The following SPTLC3 variants were observed in gnomAD, a reference collection of about 807,000 sequenced individuals.
SPTLC3 encodes the protein serine palmitoyltransferase 3.
SPTLC3 carries 36 observed loss-of-function variants against 59.3 expected under a neutral mutation model. The ratio of observed to expected loss-of-function variants is 0.61; its 90% CI spans 0.47 to 0.80. SPTLC3 has a LOEUF of 0.80. SPTLC3 is among the 30% of genes least tolerant of loss of function. SPTLC3 has a pLI of 0.00. For missense variants in SPTLC3, 625 were observed against 685.1 expected (o/e 0.91, Z 0.98); for synonymous variants, 257 against 240.8 (o/e 1.07, Z -0.62).
At chr20:13,122,694 G>A (rs1407178083) in intron 8 of SPTLC3, among the ~76,000 whole-genome samples, 1 of 152,170 alleles carries the variant, frequency 6.6e-6, no homozygotes, top group Non-Finnish European at 1.5e-5. Context: ...GGAACCTCAG[G>A]CCACCAGGGA....
intron 9 of SPTLC3, among the ~76,000 whole-genome samples, chr20:13,142,352 T>G (rs2038403432): frequency 6.6e-6 from 1 of 151,926 alleles, no homozygotes; most frequent in South Asian, 2.1e-4. Flanking sequence ...GATGGGGGAG[T>G]GGTGATGTAA....
At chr20:13,056,441 C>T (rs8116374) in intron 2 of SPTLC3, among the ~76,000 whole-genome samples, 37,240 of 143,528 alleles carry the variant, frequency 0.26, 5,483 homozygotes, top group African/African-American at 0.42. Context: ...CATAGACTGA[C>T]GCTTTAACTT....
intron 1 of SPTLC3, among the ~76,000 whole-genome samples, chr20:13,031,826 T>C (rs1444350151): frequency 6.6e-6 from 1 of 152,198 alleles, no homozygotes; most frequent in Non-Finnish European, 1.5e-5. Context: ...TGTCATGTCT[T>C]AAAGATCTAA....
chr20:13,148,281 G>A (rs1388078765), intron 9 of SPTLC3, among the ~76,000 whole-genome samples: 1 of 152,178 alleles, frequency 6.6e-6, no homozygotes, highest in Non-Finnish European at 1.5e-5. Context: ...CAGCATTGGA[G>A]GGGAGGTTAA....
At chr20:13,110,532 C>T (rs1009398366) in intron 7 of SPTLC3, among the ~76,000 whole-genome samples, 4 of 152,110 alleles carry the variant, frequency 2.6e-5, no homozygotes, top group South Asian at 2.1e-4. Flanking sequence ...AAAGGCGTTT[C>T]GCAGCTGGGT....
chr20:13,024,135 C>G (rs1549824), intron 1 of SPTLC3, among the ~76,000 whole-genome samples: 6,848 of 152,266 alleles, frequency 0.045, 216 homozygotes, highest in South Asian at 0.083. Context: ...GAGGTTGATA[C>G]TGTTACTATC....
At chr20:13,054,241 G>A (rs1202977034) in intron 2 of SPTLC3, among the ~76,000 whole-genome samples, 1 of 152,218 alleles carries the variant, frequency 6.6e-6, no homozygotes, top group Non-Finnish European at 1.5e-5. Context: ...AGACTGCTGA[G>A]AGGCAAGCAG....
intron 6 of SPTLC3, among the ~76,000 whole-genome samples, chr20:13,100,661 T>G (rs1012993194): frequency 2.6e-5 from 4 of 152,262 alleles, no homozygotes; most frequent in Non-Finnish European, 5.9e-5. Flanking sequence ...GGATAATAGC[T>G]GAGTCATAAC....
At chr20:13,143,608 GT>G (rs1165122819) in intron 9 of SPTLC3, among the ~76,000 whole-genome samples, 7 of 152,188 alleles carry the variant, frequency 4.6e-5, no homozygotes, top group African/African-American at 1.7e-4. Flanking sequence ...CAAGGCAAAA[GT>G]CTGGGGGGCT....
chr20:13,017,869 G>A (rs766017044), intron 1 of SPTLC3, among the ~76,000 whole-genome samples: 5 of 152,118 alleles, frequency 3.3e-5, no homozygotes, highest in Admixed American at 2.6e-4. Flanking sequence ...GACAATCTGG[G>A]ACTCCTGAGA....
intron 2 of SPTLC3, among the ~76,000 whole-genome samples, chr20:13,059,259 T>C (rs1054322840): frequency 2.6e-5 from 4 of 152,212 alleles, no homozygotes; most frequent in African/African-American, 9.6e-5. Flanking sequence ...GGGTAAAGGC[T>C]GCTTAAACAA....
intron 1 of SPTLC3, among the ~76,000 whole-genome samples, chr20:13,011,712 T>TA (rs73619819): frequency 0.2 from 30,305 of 151,180 alleles, 3,623 homozygotes; most frequent in South Asian, 0.38. Context: ...CTGGAGCTTT[T>TA]ATGGAGCCTG....
At position 13,155,554 on chromosome 20, in the gene SPTLC3, C is replaced by T. The variant is rs568251517; in HGVS notation, c.1415+1416C>T. On this transcript the variant is annotated intron_variant, in intron 10 of 11. Coordinates refer to ENST00000399002, the MANE Select transcript of SPTLC3 (RefSeq NM_018327.4). ...TTAAAACACACATGAAGGCTGGGCG[C>T]GGTGGCTCATGCCTGTAATCCCATC... is the stretch of plus-strand genomic sequence containing the variant. Among the ~76,000 whole-genome samples the T allele has an allele frequency of 3.9e-5, 6 of 152,210 alleles. No homozygotes were observed. In the South Asian group the frequency reaches 1.0e-3, roughly 26 times the overall value.
At chr20:13,103,217 T>C (rs138640036) in intron 6 of SPTLC3, among the ~76,000 whole-genome samples, 61 of 152,208 alleles carry the variant, frequency 4.0e-4, no homozygotes, top group Non-Finnish European at 7.8e-4. Context: ...ATAATTGTTT[T>C]GCTTGACAAA....
chr20:13,046,113 C>T (rs1665524155), intron 1 of SPTLC3, among the ~76,000 whole-genome samples: 1 of 152,134 alleles, frequency 6.6e-6, no homozygotes, highest in Non-Finnish European at 1.5e-5. Flanking sequence ...ACACTGGGTT[C>T]CCTTTATTCA....
Position 13,160,286 on chromosome 20 carries a change from T to A in SPTLC3, c.1545+154T>A, listed in dbSNP as rs936585678. Among the ~76,000 whole-genome samples the A allele has an allele frequency of 2.0e-5, 3 of 152,286 alleles. No individual in the cohort carries two copies. The East Asian group carries it at 5.8e-4, about 29-fold the overall frequency. ...GTCACTGCCAAAAAACAAGAGCTCGTCAACAACAGCCAACACTGTGACCAC... is the reference window on the plus strand; with the variant it reads ...GTCACTGCCAAAAAACAAGAGCTCGACAACAACAGCCAACACTGTGACCAC... On this transcript the variant is annotated intron_variant, in intron 11 of 11. Transcript: ENST00000399002.
Position 13,165,835 on chromosome 20 carries a change from A to T in SPTLC3, c.*968A>T, listed in dbSNP as rs1235710713. ...GAAGGACATTTAAAAGCAAATTCTG[A>T]CTTTTTCAAGACCAACACACTTGTT... On this transcript the variant is annotated 3_prime_UTR_variant, in exon 12 of 12. Coordinates refer to ENST00000399002, the MANE Select transcript of SPTLC3 (RefSeq NM_018327.4). The T allele has an allele frequency of 6.6e-6, 1 of 152,222 alleles. No individual in the cohort carries two copies. The allele number at this position is 152,222 out of a possible 1,614,324, so 9.4% of individuals were successfully genotyped here. A position where few individuals can be genotyped will look rare whatever the true frequency, so the allele number is the denominator to read the frequency against.
intron 7 of SPTLC3, among the ~76,000 whole-genome samples, chr20:13,112,415 G>A (rs1192508299): frequency 6.6e-6 from 1 of 152,216 alleles, no homozygotes; most frequent in Non-Finnish European, 1.5e-5. Flanking sequence ...AGCAAAGGCT[G>A]CCGGCACTGA....
chr20:13,039,106 G>A (rs6041793), intron 1 of SPTLC3, among the ~76,000 whole-genome samples: 93 of 152,008 alleles, frequency 6.1e-4, no homozygotes, highest in Non-Finnish European at 1.0e-3. Context: ...CTGTTTTGGG[G>A]AGACGTGTTC....
Sources: gnomAD v4.1 joint callset for allele counts (sites outside exome capture counted in the v4.1 genomes callset) on GRCh38, gnomAD v4.1.1 for gene constraint, MANE v1.5 for transcripts, NCBI Gene and HGNC (gene_info 2026-07-23, HGNC 2026-07-21) for gene names.